Variants in RP1 observed in about 807,000 individuals in gnomAD.
RP1 encodes RP1 axonemal microtubule associated, also known as oxygen-regulated protein 1.
Under a neutral mutation model 14.8 loss-of-function variants are expected in RP1, and 16 were observed. That is an observed-to-expected ratio of 1.08 (90% CI 0.73 to 1.65). The LOEUF (loss-of-function observed/expected upper bound fraction) is 1.65, where lower values mean the gene tolerates loss of function less well. RP1 is among the 40% of genes most tolerant of loss of function. RP1 has a pLI of 0.00. For synonymous variants in RP1, 876 were observed against 883.6 expected (o/e 0.99, Z 0.15); for missense variants, 2,631 against 2,535.0 (o/e 1.04, Z -0.81).
At chr8:54,614,956 T>C (rs1805681745), upstream of RP1, among the ~76,000 whole-genome samples, 1 of 152,216 alleles carries the variant, frequency 6.6e-6, no homozygotes, top group Non-Finnish European at 1.5e-5. Context: ...TCCTTAGCTA[T>C]TTAATGGCAG....
intron 27 of RP1, chr8:54,857,119 T>G (rs1812222771): frequency 8.4e-7 from 1 of 1,188,716 alleles, no homozygotes; most frequent in Non-Finnish European, 1.1e-6. Flanking sequence ...AAGATTTAGT[T>G]TCTTGGTAAG....
chr8:54,697,083 G>A (rs1807885057), intron 12 of RP1: 8 of 1,572,476 alleles, frequency 5.1e-6, no homozygotes, highest in South Asian at 4.4e-5. Flanking sequence ...AAGGAGATGG[G>A]CACACCTGGC....
At chr8:54,767,701 CTGGCA>C (rs756664423) in intron 22 of RP1, among the ~76,000 whole-genome samples, 3 of 152,096 alleles carry the variant, frequency 2.0e-5, no homozygotes, top group Non-Finnish European at 4.4e-5. Flanking sequence ...TGTCTTTATT[CTGGCA>C]TGTAAAGTAA....
At position 54,627,757 on chromosome 8, in the gene RP1, C is replaced by G. The variant is rs1474805641; in HGVS notation, c.3875C>G (p.Ser1292Cys). 1 of 1,613,932 alleles carries G rather than the reference C, an allele frequency of 6.2e-7. No individual in the cohort carries two copies. Among genetic ancestry groups the G allele is most frequent in the African/African-American group, 1.3e-5 (1 of 74,900 alleles). The change falls in exon 4 of 4, where the codon TCT becomes TGT. Residue 1292 changes from serine to cysteine, a missense_variant. Coordinates refer to ENST00000220676, the MANE Select transcript of RP1 (RefSeq NM_006269.2). ...GATGGTTATGGTGTGGATCAGACTT[C>G]TATGAATAAGGCTTGTTTCCTAGGA... Reference protein sequence around the residue: ...PSDGYGVDQTSMNKACFLGEV... With the variant: ...PSDGYGVDQTCMNKACFLGEV...
chr8:54,726,450 G>A, exon 17 of RP1: 1 of 1,534,600 alleles, frequency 6.5e-7, no homozygotes, highest in Non-Finnish European at 8.7e-7. Context: ...TCTGAGGCTA[G>A]GAGTCCCTTA....
intron 19 of RP1, among the ~76,000 whole-genome samples, chr8:54,751,045 C>T (rs1341823696): frequency 1.3e-5 from 2 of 152,150 alleles, no homozygotes; most frequent in African/African-American, 2.4e-5. Flanking sequence ...TCTTTGGGTC[C>T]GTGCCATCTT....
chr8:54,683,981 C>T (rs1011465125), intron 12 of RP1, among the ~76,000 whole-genome samples: 2 of 148,258 alleles, frequency 1.3e-5, no homozygotes, highest in African/African-American at 5.0e-5. Flanking sequence ...CCTTCAATAC[C>T]TAGTTGCTTG....
intron 1 of RP1, chr8:54,560,782 T>C (rs1044717133): frequency 2.6e-5 from 4 of 151,844 alleles, no homozygotes; most frequent in African/African-American, 9.7e-5. Flanking sequence ...CAGATCTTAT[T>C]TGCTCTAGGT....
At chr8:54,870,074 T>C (rs897510628) in exon 29 of RP1, 1 of 419,600 alleles carries the variant, frequency 2.4e-6, no homozygotes, top group Non-Finnish European at 4.0e-6. Context: ...ACCCACTCAT[T>C]GTTTCTGAGA....
At chr8:54,609,713 T>A (rs1430022666) in intron 1 of RP1, among the ~76,000 whole-genome samples, 1 of 152,152 alleles carries the variant, frequency 6.6e-6, no homozygotes, top group Non-Finnish European at 1.5e-5. Flanking sequence ...CCCAGGTCGC[T>A]GAGATGGAGA....
Position 54,797,761 on chromosome 8 carries a change from T to C in RP1, c.3615+14051T>C, listed in dbSNP as rs75261237. On this transcript the variant is annotated intron_variant, in intron 24 of 28. Coordinates refer to the RP1 transcript ENST00000637698. ...AAATAAAATATCATATTTATTATAGTATTTATGTATTTCTTAACCATTAAT... is the reference window on the plus strand; with the variant it reads ...AAATAAAATATCATATTTATTATAGCATTTATGTATTTCTTAACCATTAAT... Among the ~76,000 whole-genome samples, 696 of 152,258 alleles carry C rather than the reference T, an allele frequency of 4.6e-3. 20 individuals carry two copies. The East Asian group carries it at 0.071, about 16-fold the overall frequency.
intron 1 of RP1, among the ~76,000 whole-genome samples, chr8:54,616,944 C>G (rs974470337): frequency 6.6e-6 from 1 of 152,010 alleles, no homozygotes; most frequent in Non-Finnish European, 1.5e-5. Flanking sequence ...CTAATGATGC[C>G]ACAGATAAGC....
intron 13 of RP1, among the ~76,000 whole-genome samples, chr8:54,701,174 G>A (rs993577194): frequency 6.6e-6 from 1 of 151,732 alleles, no homozygotes; most frequent in African/African-American, 2.4e-5. Context: ...AAATTAGGAG[G>A]ACACAAATGA....
Position 54,776,967 on chromosome 8 carries a change from T to C in RP1, c.3452-6580T>C, listed in dbSNP as rs139675972. 4.5e-3 allele frequency among the ~76,000 whole-genome samples: 680 copies of C among 152,340 alleles called. 5 individuals are homozygous for C. Among genetic ancestry groups the C allele is most frequent in the African/African-American group, 0.015 (642 of 41,580 alleles). On this transcript the variant is annotated intron_variant, in intron 23 of 28. Transcript: ENST00000637698. Reference sequence around the variant, plus strand: ...TGTTGAGTGCTCTGGTTAGCAGTGCTGCTGCTCAGCGGCTGCTGAGTGTTC... The same window carrying C: ...TGTTGAGTGCTCTGGTTAGCAGTGCCGCTGCTCAGCGGCTGCTGAGTGTTC...
intron 1 of RP1, among the ~76,000 whole-genome samples, chr8:54,618,555 G>A (rs990292813): frequency 6.6e-6 from 1 of 152,138 alleles, no homozygotes; most frequent in African/African-American, 2.4e-5. Flanking sequence ...AGTGAAAAAT[G>A]TGTCTCAAAT....
At chr8:54,755,782 C>T in intron 21 of RP1, 2 of 1,449,050 alleles carry the variant, frequency 1.4e-6, no homozygotes, top group South Asian at 1.4e-5. Context: ...TGAGTCTATA[C>T]AAATAATTTC....
chr8:54,708,354 T>TG (rs35830867), intron 15 of RP1, among the ~76,000 whole-genome samples: 3 of 51,526 alleles, frequency 5.8e-5, no homozygotes, highest in African/African-American at 4.3e-4. Context: ...TGATTTCTGG[T>TG]TTTTTTTTTT....
intron 23 of RP1, among the ~76,000 whole-genome samples, chr8:54,780,624 C>A (rs1219141839): frequency 2.6e-5 from 4 of 152,042 alleles, no homozygotes; most frequent in Non-Finnish European, 5.9e-5. Context: ...GTCATTGTTA[C>A]CTAAACAATA....
In RP1 at chr8:54,778,783, T is replaced by C. The variant is rs187241548; in HGVS notation, c.3452-4764T>C. Among the ~76,000 whole-genome samples the C allele has an allele frequency of 3.7e-4, 57 of 152,174 alleles. 1 individual carries two copies. The highest frequency in any genetic ancestry group is 3.7e-4 in the Non-Finnish European group (25 of 68,004). ...AGCTGAAGGCTGGCACAAGGGAAGGTCGCTGTGTGAGAGGGAGGCTGTAGA... is the reference window on the plus strand; with the variant it reads ...AGCTGAAGGCTGGCACAAGGGAAGGCCGCTGTGTGAGAGGGAGGCTGTAGA... On this transcript the variant is annotated intron_variant, in intron 23 of 28. Transcript: ENST00000637698.
Sources: allele counts gnomAD v4.1 joint callset (sites outside exome capture counted in the v4.1 genomes callset), GRCh38; gene constraint gnomAD v4.1.1; transcripts MANE v1.5; gene names NCBI Gene and HGNC (gene_info 2026-07-23, HGNC 2026-07-21).